The following USP48 variants were observed in gnomAD, a reference collection of about 807,000 sequenced individuals.
The protein encoded by USP48 is ubiquitin carboxyl-terminal hydrolase 48.
In USP48, 43 loss-of-function variants were observed where a neutral mutation model predicts 150.7. The observed-to-expected ratio is 0.29, with a 90% CI of 0.22 to 0.37. The LOEUF is 0.37. Ranked by LOEUF, USP48 falls within the 10% of genes least tolerant of loss-of-function variation. USP48 has a pLI of 1.00. For missense variants in USP48, 813 were observed against 1,249.6 expected (o/e 0.65, Z 5.27); for synonymous variants, 396 against 425.9 (o/e 0.93, Z 0.86).
intron 11 of USP48, among the ~76,000 whole-genome samples, chr1:21,727,596 C>T (rs1248492433): frequency 4.6e-5 from 7 of 152,128 alleles, no homozygotes; most frequent in Non-Finnish European, 1.0e-4. Flanking sequence ...TGAACAAAGA[C>T]CTATAAATTT....
At chr1:21,686,858 C>G in intron 25 of USP48, 1 of 269,092 alleles carries the variant, frequency 3.7e-6, no homozygotes, top group East Asian at 9.1e-5. Flanking sequence ...TTTAGGCTCA[C>G]AATTCATTCC....
chr1:21,756,843 G>T (rs2097837199), intron 2 of USP48, 141 bp from the exon 3 acceptor site: 1 of 1,425,134 alleles, frequency 7.0e-7, no homozygotes, highest in African/African-American at 1.5e-5. Flanking sequence ...AGTTTCTCTT[G>T]GCTGGAGGTG....
chr1:21,748,833 C>T (rs2097801793), intron 6 of USP48, among the ~76,000 whole-genome samples: 1 of 152,136 alleles, frequency 6.6e-6, no homozygotes, highest in East Asian at 1.9e-4. Context: ...ATCACTTGAA[C>T]CCGGGAGGTG....
intron 1 of USP48, among the ~76,000 whole-genome samples, chr1:21,780,595 C>T (rs1245950813): frequency 6.6e-6 from 1 of 151,802 alleles, no homozygotes; most frequent in Admixed American, 6.6e-5. Flanking sequence ...AAACATGCTA[C>T]AACATGGATG....
At chr1:21,766,013 T>C (rs965946691) in intron 1 of USP48, among the ~76,000 whole-genome samples, 10 of 148,232 alleles carry the variant, frequency 6.7e-5, no homozygotes, top group Non-Finnish European at 1.0e-4. Context: ...TGGGGACTAA[T>C]AAGATGCAAC....
At chr1:21,702,682 T>G (rs184819921) in intron 21 of USP48, among the ~76,000 whole-genome samples, 2 of 152,176 alleles carry the variant, frequency 1.3e-5, no homozygotes, top group Non-Finnish European at 2.9e-5. Flanking sequence ...TAAAACCTGA[T>G]AGTGTATGGT....
In USP48 at chr1:21,729,258, G is replaced by A. The variant is rs566226542; in HGVS notation, c.1300+446C>T. 4.6e-5 allele frequency among the ~76,000 whole-genome samples: 7 copies of A among 150,910 alleles called. No homozygotes were observed. The South Asian group carries it at 1.5e-3, about 32-fold the overall frequency. ...GACTGCACCACTGCACTCCAGCCTG[G>A]GCGAAAGAATGAGACTCCGCCTCAA... is the stretch of plus-strand genomic sequence containing the variant. On this transcript the variant is annotated intron_variant, in intron 10 of 26. Transcript: ENST00000308271.
intron 15 of USP48, among the ~76,000 whole-genome samples, chr1:21,714,960 T>C (rs569512211): frequency 6.6e-6 from 1 of 152,210 alleles, no homozygotes; most frequent in African/African-American, 2.4e-5. Flanking sequence ...CGCATGCCTA[T>C]GGTCCCAGCT....
At chr1:21,679,898 T>G (rs904638715) in intron 26 of USP48, among the ~76,000 whole-genome samples, 1 of 151,914 alleles carries the variant, frequency 6.6e-6, no homozygotes, top group Non-Finnish European at 1.5e-5. Context: ...TTCACCATGT[T>G]GGCCAGACTG....
At chr1:21,753,598 G>A (rs1460097738) in intron 3 of USP48, among the ~76,000 whole-genome samples, 6 of 151,716 alleles carry the variant, frequency 4.0e-5, no homozygotes, top group African/African-American at 1.2e-4. Context: ...AGGCAGAGGC[G>A]GGCGAATAAT....
At chr1:21,727,769 T>C (rs16825895) in intron 11 of USP48, 112,730 of 572,908 alleles carry the variant, frequency 0.2, 11,548 homozygotes, top group Non-Finnish European at 0.21. Context: ...CTTATAGACT[T>C]GGCAATTTTT....
chr1:21,780,353 C>T (rs2097911294), intron 1 of USP48, among the ~76,000 whole-genome samples: 1 of 152,030 alleles, frequency 6.6e-6, no homozygotes, highest in South Asian at 2.1e-4. Flanking sequence ...TAGAGAAATC[C>T]AGAGACAGAA....
chr1:21,697,458 T>C (rs1226758876), intron 22 of USP48, among the ~76,000 whole-genome samples: 5 of 151,996 alleles, frequency 3.3e-5, no homozygotes, highest in African/African-American at 9.7e-5. Flanking sequence ...GGTCAGGAGA[T>C]TGAGACCATC....
rs115783204 is a variant in USP48 at position 21,777,617 on chromosome 1, C to T, written c.134+5207G>A. Among the ~76,000 whole-genome samples the T allele has an allele frequency of 4.6e-3, 700 of 152,066 alleles. 5 individuals carry two copies. The highest frequency in any genetic ancestry group is 0.016 in the African/African-American group (652 of 41,484). Reference sequence around the variant, plus strand: ...AGGAGTTTAAGGCTACAGTGAGCTACAATCACACCACTGCACTCCAGGTTG... The same window carrying T: ...AGGAGTTTAAGGCTACAGTGAGCTATAATCACACCACTGCACTCCAGGTTG... On this transcript the variant is annotated intron_variant, in intron 1 of 26. Transcript: ENST00000308271.
At chr1:21,756,432 G>A (rs910764682) in intron 3 of USP48, 114 bp downstream of exon 3, 2 of 1,261,484 alleles carry the variant, frequency 1.6e-6, no homozygotes, top group African/African-American at 1.7e-5. Context: ...AGTGAACCGA[G>A]ATGGCGCCAC....
At chr1:21,727,004 A>T (rs2097739526) in intron 11 of USP48, among the ~76,000 whole-genome samples, 1 of 152,158 alleles carries the variant, frequency 6.6e-6, no homozygotes, top group Non-Finnish European at 1.5e-5. Context: ...TTTTCTTTGG[A>T]AAGTTATAAA....
chr1:21,701,134 C>T (rs1226892308), intron 22 of USP48, among the ~76,000 whole-genome samples: 2 of 148,656 alleles, frequency 1.3e-5, no homozygotes, highest in Non-Finnish European at 3.0e-5. Context: ...TGGGAGGCTG[C>T]GGTGGGCGGA....
At chr1:21,711,656 T>C (rs868649632) in intron 15 of USP48, among the ~76,000 whole-genome samples, 1 of 152,182 alleles carries the variant, frequency 6.6e-6, no homozygotes, top group East Asian at 1.9e-4. Flanking sequence ...GACAGTGCCA[T>C]TGGGAATTTC....
intron 9 of USP48, chr1:21,732,693 G>A (rs1487374968): frequency 5.3e-6 from 2 of 375,372 alleles, no homozygotes; most frequent in Admixed American, 4.0e-5. Flanking sequence ...ATTCTGTAGG[G>A]TAAACATAAT....
Sources: gnomAD v4.1 joint callset for allele counts (sites outside exome capture counted in the v4.1 genomes callset) on GRCh38, gnomAD v4.1.1 for gene constraint, MANE v1.5 for transcripts, NCBI Gene and HGNC (gene_info 2026-07-23, HGNC 2026-07-21) for gene names.